LCLAT1: variants seen among roughly 807,000 people sequenced by gnomAD.
The protein encoded by LCLAT1 is 1-AGP acyltransferase 8.
Under a neutral mutation model 30.7 loss-of-function variants are expected in LCLAT1, and 11 were observed. The observed-to-expected ratio is 0.36, with a 90% CI of 0.23 to 0.59. The LOEUF is 0.59. LCLAT1 is among the 20% of genes least tolerant of loss of function. The probability of loss-of-function intolerance (pLI) is 0.77; values close to 1 mark genes in which losing one functional copy is unlikely to be tolerated. For missense variants in LCLAT1, 402 were observed against 458.6 expected, an observed-to-expected ratio of 0.88 and a Z score of 1.13; for synonymous variants, 155 against 151.3, an observed-to-expected ratio of 1.02 and a Z score of -0.18.
At chr2:30,532,314 C>T (rs1416634739) in intron 2 of LCLAT1, among the ~76,000 whole-genome samples, 3 of 152,044 alleles carry the variant, frequency 2.0e-5, no homozygotes, top group Non-Finnish European at 4.4e-5. Context: ...ACTTTTGATT[C>T]TGTATCGTAT....
chr2:30,531,040 C>T (rs1295064381), intron 2 of LCLAT1, among the ~76,000 whole-genome samples: 2 of 152,034 alleles, frequency 1.3e-5, no homozygotes, highest in East Asian at 1.9e-4. Flanking sequence ...CCAAGGCGGG[C>T]GAGTCGCAAG....
intron 1 of LCLAT1, among the ~76,000 whole-genome samples, chr2:30,522,420 A>G (rs1221674538): frequency 6.6e-6 from 1 of 152,126 alleles, no homozygotes; most frequent in Non-Finnish European, 1.5e-5. Context: ...TATAGCTAGC[A>G]TAATTTGGAA....
chr2:30,469,667 C>G (rs1390924644), intron 1 of LCLAT1, among the ~76,000 whole-genome samples: 1 of 151,268 alleles, frequency 6.6e-6, no homozygotes, highest in Non-Finnish European at 1.5e-5. Flanking sequence ...CAACCTCCGC[C>G]TCTGGGGTTC....
At chr2:30,508,617 G>C (rs4952137) in intron 1 of LCLAT1, among the ~76,000 whole-genome samples, 19,209 of 152,072 alleles carry the variant, frequency 0.13, 1,343 homozygotes, top group South Asian at 0.23. Flanking sequence ...CTATGTGTCT[G>C]TTTTTGTACC....
intron 2 of LCLAT1, among the ~76,000 whole-genome samples, chr2:30,529,802 T>C (rs1355567439): frequency 6.6e-6 from 1 of 152,206 alleles, no homozygotes; most frequent in Admixed American, 6.5e-5. Context: ...CTCAGTGTTT[T>C]GAAGAATGAG....
At position 30,521,489 on chromosome 2, in the gene LCLAT1, CTTCTTTTTT is replaced by C. The variant is rs1403208057; in HGVS notation, c.-4-4095_-4-4087del. On this transcript the variant is annotated intron_variant, in intron 1 of 5. Transcript: ENST00000379509. ...GTTTCCTCAACCCCCTAAACTACTT[CTTCTTTTTT>C]TTTTTTTTTTTTTTTTTTTTTTTTT... Among the ~76,000 whole-genome samples the C allele has an allele frequency of 1.5e-3, 82 of 55,556 alleles. 5 individuals are homozygous for C. Among genetic ancestry groups the C allele is most frequent in the African/African-American group, 5.1e-3 (63 of 12,252 alleles). 36.4% of individuals were successfully genotyped at this position (55,556 alleles called of 152,430 possible). A position where few individuals can be genotyped will look rare whatever the true frequency, so the allele number is the denominator to read the frequency against.
At chr2:30,530,858 TTA>T (rs1351233713) in intron 2 of LCLAT1, among the ~76,000 whole-genome samples, 2 of 152,170 alleles carry the variant, frequency 1.3e-5, no homozygotes, top group Non-Finnish European at 2.9e-5. Flanking sequence ...CTTGGATTTT[TTA>T]TGTTATTTTT....
intron 5 of LCLAT1, among the ~76,000 whole-genome samples, chr2:30,590,741 A>G (rs567161219): frequency 5.3e-5 from 8 of 151,988 alleles, no homozygotes; most frequent in Non-Finnish European, 1.0e-4. Flanking sequence ...TATATTAAAT[A>G]TACATAGAAA....
At chr2:30,553,002 C>T (rs1325733237) in intron 3 of LCLAT1, among the ~76,000 whole-genome samples, 1 of 152,116 alleles carries the variant, frequency 6.6e-6, no homozygotes. Context: ...CTTCTGGTGT[C>T]ATATTCATAG....
chr2:30,511,555 C>T (rs556756886), intron 1 of LCLAT1, among the ~76,000 whole-genome samples: 1 of 152,240 alleles, frequency 6.6e-6, no homozygotes, highest in Non-Finnish European at 1.5e-5. Flanking sequence ...GGGAACATTT[C>T]CATCATTGCA....
chr2:30,476,662 T>C, intron 1 of LCLAT1: 1 of 380,380 alleles, frequency 2.6e-6, no homozygotes, highest in Non-Finnish European at 5.2e-6. Context: ...TTTCATTATA[T>C]ATTACAGTGT....
At chr2:30,509,906 G>T (rs1403140751) in intron 1 of LCLAT1, among the ~76,000 whole-genome samples, 1 of 152,192 alleles carries the variant, frequency 6.6e-6, no homozygotes, top group East Asian at 1.9e-4. Flanking sequence ...GTCATCAGCT[G>T]ATGTGGAAGC....
chr2:30,538,863 A>G (rs1214796590), intron 3 of LCLAT1, among the ~76,000 whole-genome samples: 1 of 152,148 alleles, frequency 6.6e-6, no homozygotes, highest in Non-Finnish European at 1.5e-5. Context: ...ACCAATAACA[A>G]GTAATGAGAT....
intron 1 of LCLAT1, among the ~76,000 whole-genome samples, chr2:30,488,052 C>G (rs1280408338): frequency 2.0e-5 from 3 of 152,180 alleles, no homozygotes; most frequent in African/African-American, 7.2e-5. Context: ...TGAATTATAT[C>G]TTAATAAAGC....
chr2:30,566,165 G>C (rs778051886), intron 4 of LCLAT1, among the ~76,000 whole-genome samples: 2 of 152,150 alleles, frequency 1.3e-5, no homozygotes, highest in Non-Finnish European at 2.9e-5. Flanking sequence ...TAATCTCTCT[G>C]TATTTCTGAT....
intron 5 of LCLAT1, among the ~76,000 whole-genome samples, chr2:30,585,238 T>C (rs1666382161): frequency 6.6e-6 from 1 of 152,172 alleles, no homozygotes; most frequent in Non-Finnish European, 1.5e-5. Flanking sequence ...TATAATGTTC[T>C]TAATTTACCT....
intron 5 of LCLAT1, among the ~76,000 whole-genome samples, chr2:30,574,889 CAG>C (rs1390338101): frequency 3.9e-5 from 6 of 152,190 alleles, no homozygotes; most frequent in Admixed American, 2.0e-4. Flanking sequence ...TCCTTCAAAA[CAG>C]AGGTCTGCCA....
chr2:30,550,011 G>A (rs1342780537), intron 3 of LCLAT1, among the ~76,000 whole-genome samples: 1 of 152,120 alleles, frequency 6.6e-6, no homozygotes, highest in Non-Finnish European at 1.5e-5. Flanking sequence ...TGCTGTTACT[G>A]ATAATCTTCA....
At chr2:30,590,898 A>G (rs894194719) in intron 5 of LCLAT1, among the ~76,000 whole-genome samples, 1 of 152,184 alleles carries the variant, frequency 6.6e-6, no homozygotes, top group African/African-American at 2.4e-5. Flanking sequence ...GATATCACAG[A>G]TGAAATACAC....
Sources: gnomAD v4.1 joint callset for allele counts (sites outside exome capture counted in the v4.1 genomes callset) on GRCh38, gnomAD v4.1.1 for gene constraint, MANE v1.5 for transcripts, NCBI Gene and HGNC (gene_info 2026-07-23, HGNC 2026-07-21) for gene names.